Variants in DPP3 observed in about 807,000 individuals in gnomAD.
DPP3 encodes DPP III.
DPP3 carries 64 observed loss-of-function variants against 89.8 expected under a neutral mutation model. The ratio of observed to expected loss-of-function variants is 0.71; its 90% CI spans 0.58 to 0.88. The LOEUF (loss-of-function observed/expected upper bound fraction) is 0.88. Ranked by LOEUF, DPP3 falls within the 40% of genes least tolerant of loss-of-function variation. DPP3 has a pLI of 0.00. For missense variants in DPP3, 835 were observed against 972.5 expected (o/e 0.86, Z 1.88); for synonymous variants, 377 against 404.3 (o/e 0.93, Z 0.81).
intron 15 of DPP3, among the ~76,000 whole-genome samples, chr11:66,496,244 GT>G (rs1565272854): frequency 6.6e-6 from 1 of 152,046 alleles, no homozygotes; most frequent in East Asian, 1.9e-4. Context: ...AAACTTTTTT[GT>G]TTGTTCGTTT....
intron 16 of DPP3, among the ~76,000 whole-genome samples, chr11:66,499,202 A>G (rs370678271): frequency 6.6e-6 from 1 of 151,914 alleles, no homozygotes; most frequent in South Asian, 2.1e-4. Context: ...CTCTACTAAA[A>G]ATACAAAAAA....
intron 16 of DPP3, among the ~76,000 whole-genome samples, chr11:66,501,043 C>A (rs535292358): frequency 3.9e-5 from 6 of 152,026 alleles, no homozygotes; most frequent in Non-Finnish European, 7.4e-5. Context: ...AAAAAATTAG[C>A]CGGGTATGGT....
At chr11:66,493,420 C>T (rs773295909) in intron 11 of DPP3, 121 bp from the exon 12 acceptor site, 8 of 1,026,208 alleles carry the variant, frequency 7.8e-6, no homozygotes, top group South Asian at 1.6e-5. Flanking sequence ...GGGTGGAGCA[C>T]AGTTGGCCTT....
chr11:66,504,765 C>A lies in DPP3; in HGVS notation c.2032C>A (p.Arg678Ser). 1 of 1,610,684 alleles carries A rather than the reference C, an allele frequency of 6.2e-7. No individual in the cohort carries two copies. The highest frequency in any genetic ancestry group is 8.5e-7 in the Non-Finnish European group (1 of 1,178,556). The change falls in exon 17 of 18, where the codon CGC becomes AGC. Residue 678 changes from arginine (R) to serine (S), a missense_variant. Transcript: ENST00000531863. ...GAAGCTCATTGTTCAGCCCAACACT[C>A]GCCTTGAAGGTAATGAGGTAATGAG... ...SRKLIVQPNT[R>S]LEGSDVQLLE...
Position 66,509,505 on chromosome 11 carries a change from T to C in DPP3, c.*254T>C. ...GCAAGACAGGGCTTACCATCCTGTC[T>C]ACCAGATGAGGAAATGGCAGTTCTG... On this transcript the variant is annotated 3_prime_UTR_variant, in exon 18 of 18. Transcript: ENST00000531863. The C allele has an allele frequency of 2.4e-6, 3 of 1,246,478 alleles. No homozygotes were observed. The highest frequency in any genetic ancestry group is 2.6e-5 in the South Asian group (2 of 77,570). 77.2% of individuals were successfully genotyped at this position (1,246,478 alleles called of 1,614,324 possible).
rs1248505570 is a variant in DPP3 at position 66,504,629 on chromosome 11, G to A, written c.1896G>A (p.Gly632=). ...TCTCACAGGTGCTGAAGTCCACAGG[G>A]GATGTGGCCGGAGGGCGGGCCCTGT... ...LRRLQVLKST[G]DVAGGRALYE... is the part of the protein sequence containing the mutation. Residue 632 remains glycine, a synonymous_variant, in exon 17 of 18, where the codon GGG becomes GGA. Transcript: ENST00000531863. 4 of 1,611,322 alleles carry A rather than the reference G, an allele frequency of 2.5e-6. No individual in the cohort carries two copies. Among genetic ancestry groups the A allele is most frequent in the Admixed American group, 3.4e-5 (2 of 59,586 alleles).
At chr11:66,498,231 C>T (rs565212938) in intron 16 of DPP3, among the ~76,000 whole-genome samples, 1 of 152,244 alleles carries the variant, frequency 6.6e-6, no homozygotes, top group Admixed American at 6.5e-5. Context: ...GTAGCAGGGA[C>T]TACAGGTGCC....
Position 66,509,092 on chromosome 11 carries a change from G to C in DPP3, c.2055G>C (p.Gln685His), listed in dbSNP as rs200762518. The C allele has an allele frequency of 6.2e-7, 1 of 1,614,026 alleles. No individual in the cohort carries two copies. The highest frequency in any genetic ancestry group is 8.5e-7 in the Non-Finnish European group (1 of 1,179,976). ...TCTCCTCCCCAGGCTCAGACGTGCAGCTTCTGGAATACGAGGCGTCAGCTG... is the reference window on the plus strand; with the variant it reads ...TCTCCTCCCCAGGCTCAGACGTGCACCTTCTGGAATACGAGGCGTCAGCTG... ...PNTRLEGSDV[Q>H]LLEYEASAAG... The change falls in exon 18 of 18, where the codon CAG becomes CAC. Residue 685 changes from glutamine (Q) to histidine (H), a missense_variant. Physicochemically the swap from Gln to His is conservative, Grantham distance 24. Coordinates refer to ENST00000531863, the MANE Select transcript of DPP3 (RefSeq NM_130443.4).
intron 16 of DPP3, among the ~76,000 whole-genome samples, 181 bp downstream of exon 16, chr11:66,497,658 AG>A (rs1855574109): frequency 6.6e-6 from 1 of 152,214 alleles, no homozygotes; most frequent in African/African-American, 2.4e-5. Context: ...TGGGAGGCCA[AG>A]GAGGGCAGAT....
rs370272371 is a variant in DPP3, at chr11:66,493,185, C to T, written c.1296+6C>T. On this transcript the variant is annotated splice_donor_region_variant and intron_variant, in intron 11 of 17. Coordinates refer to ENST00000531863, the MANE Select transcript of DPP3 (RefSeq NM_130443.4). ...TTCTGGAGGAGGATGACAAGGTGGG[C>T]GCCAGCAGTCGGAGGGTCGGGGCTG... is the stretch of plus-strand genomic sequence containing the variant. 7.3e-5 allele frequency: 117 copies of T among 1,612,058 alleles called. No homozygotes were observed. The highest frequency in any genetic ancestry group is 4.4e-5 in the South Asian group (4 of 90,824).
chr11:66,506,144 G>T (rs1302591169), intron 17 of DPP3, among the ~76,000 whole-genome samples: 1 of 152,028 alleles, frequency 6.6e-6, no homozygotes, highest in Non-Finnish European at 1.5e-5. Flanking sequence ...TAGAGACGGG[G>T]TTTTACTATG....
intron 14 of DPP3, 37 bp from the exon 15 acceptor site, chr11:66,495,593 C>T: frequency 3.1e-6 from 5 of 1,613,986 alleles, no homozygotes; most frequent in Non-Finnish European, 4.2e-6. Flanking sequence ...ACAGGGCAGC[C>T]TCTGACCATC....
chr11:66,482,153 TG>T, intron 1 of DPP3, 39 bp from the exon 2 acceptor site: 1 of 1,606,154 alleles, frequency 6.2e-7, no homozygotes, highest in Non-Finnish European at 8.5e-7. Flanking sequence ...GCAATTGGTA[TG>T]GGGTAAACAA....
chr11:66,491,125 C>G (rs1179611819), intron 6 of DPP3, 128 bp from the exon 7 acceptor site: 18 of 1,383,156 alleles, frequency 1.3e-5, no homozygotes, highest in African/African-American at 2.9e-5. Context: ...CTACAGGGAG[C>G]CATTGAAAAT....
At position 66,491,716 on chromosome 11, in the gene DPP3, G is replaced by C. The variant is rs201209726; in HGVS notation, c.948G>C (p.Glu316Asp). Reference protein sequence around the residue: ...PIVESYIGFIESYRDPFGSRG... With the variant: ...PIVESYIGFIDSYRDPFGSRG... The stretch of plus-strand genomic sequence containing the variant: ...CCCCCAGTTACATCGGGTTCATCGA[G>C]AGCTACCGCGACCCCTTTGGTTCCC... Residue 316 changes from glutamate to aspartate, a missense_variant, in exon 9 of 18, where the codon GAG becomes GAC. Glu to Asp is a conservative substitution (Grantham distance 45, BLOSUM62 2). Coordinates refer to ENST00000531863, the MANE Select transcript of DPP3 (RefSeq NM_130443.4). 31 of 1,611,866 alleles carry C rather than the reference G, an allele frequency of 1.9e-5. No individual in the cohort carries two copies. Among genetic ancestry groups the C allele is most frequent in the Admixed American group, 3.4e-5 (2 of 59,640 alleles).
intron 16 of DPP3, 125 bp downstream of exon 16, chr11:66,497,602 A>G (rs1171503255): frequency 7.5e-7 from 1 of 1,336,824 alleles, no homozygotes; most frequent in African/African-American, 1.5e-5. Flanking sequence ...GTAGCCAGTA[A>G]ACATGTAAGC....
intron 16 of DPP3, among the ~76,000 whole-genome samples, chr11:66,502,468 C>T (rs1855701856): frequency 1.4e-5 from 2 of 147,804 alleles, no homozygotes; most frequent in African/African-American, 2.5e-5. Flanking sequence ...CCACCATGCC[C>T]AGCTAATTTT....
intron 16 of DPP3, among the ~76,000 whole-genome samples, chr11:66,500,504 T>G (rs1305741983): frequency 1.3e-5 from 2 of 152,148 alleles, no homozygotes; most frequent in Non-Finnish European, 2.9e-5. Context: ...TTAGGCAACC[T>G]CAACCTAAAC....
At chr11:66,486,991 G>T (rs116498111) in intron 4 of DPP3, among the ~76,000 whole-genome samples, 1 of 152,146 alleles carries the variant, frequency 6.6e-6, no homozygotes, top group African/African-American at 2.4e-5. Context: ...GGGGGTCCCA[G>T]GTTTCCCACC....
Sources: gnomAD v4.1 joint callset for allele counts (sites outside exome capture counted in the v4.1 genomes callset) on GRCh38, gnomAD v4.1.1 for gene constraint, MANE v1.5 for transcripts, NCBI Gene and HGNC (gene_info 2026-07-23, HGNC 2026-07-21) for gene names.